The following MPPED2 variants were observed in gnomAD, a reference collection of about 807,000 sequenced individuals.
MPPED2 encodes metallophosphoesterase domain containing 2.
MPPED2 carries 5 observed loss-of-function variants against 33.0 expected under a neutral mutation model. The ratio of observed to expected loss-of-function variants is 0.15; its 90% confidence interval spans 0.08 to 0.32. The LOEUF is 0.32. Among genes scored for constraint, MPPED2 ranks in the 10% least tolerant of loss-of-function variants. MPPED2 has a pLI of 1.00. For synonymous variants in MPPED2, 136 were observed against 141.9 expected (o/e 0.96, Z 0.29); for missense variants, 275 against 372.1 (o/e 0.74, Z 2.15).
At chr11:30,433,658 T>C (rs1225897520) in intron 4 of MPPED2, among the ~76,000 whole-genome samples, 2 of 152,208 alleles carry the variant, frequency 1.3e-5, no homozygotes, top group Non-Finnish European at 2.9e-5. Flanking sequence ...GGTCCCTCGC[T>C]ATCATGTCTC....
At chr11:30,453,754 T>C (rs1950163883) in intron 4 of MPPED2, among the ~76,000 whole-genome samples, 1 of 152,224 alleles carries the variant, frequency 6.6e-6, no homozygotes, top group East Asian at 1.9e-4. Context: ...GTTTCCCCAC[T>C]TGGCTTGAAA....
At chr11:30,423,810 A>G (rs866830048) in intron 4 of MPPED2, among the ~76,000 whole-genome samples, 3 of 152,208 alleles carry the variant, frequency 2.0e-5, no homozygotes, top group Non-Finnish European at 4.4e-5. Flanking sequence ...GTACATATAT[A>G]CATACACAGA....
chr11:30,443,963 C>A (rs1457630028), intron 4 of MPPED2, among the ~76,000 whole-genome samples: 1 of 152,136 alleles, frequency 6.6e-6, no homozygotes, highest in African/African-American at 2.4e-5. Flanking sequence ...GATACAAGAC[C>A]TTCTGGAAAA....
intron 2 of MPPED2, among the ~76,000 whole-genome samples, chr11:30,565,343 G>T (rs142083885): frequency 3.3e-5 from 5 of 152,050 alleles, no homozygotes; most frequent in Non-Finnish European, 7.4e-5. Context: ...TTTAAATTGC[G>T]CATGTGGATT....
chr11:30,569,360 T>C (rs1283520373), intron 2 of MPPED2, among the ~76,000 whole-genome samples: 1 of 152,198 alleles, frequency 6.6e-6, no homozygotes, highest in Non-Finnish European at 1.5e-5. Context: ...AGCATTAGAC[T>C]TTTTGAATTG....
intron 3 of MPPED2, among the ~76,000 whole-genome samples, chr11:30,528,562 G>A (rs1954335035): frequency 6.6e-6 from 1 of 152,092 alleles, no homozygotes; most frequent in African/African-American, 2.4e-5. Context: ...TGGCCTCATT[G>A]TTTACATGTT....
intron 3 of MPPED2, among the ~76,000 whole-genome samples, chr11:30,499,788 T>G (rs1952471983): frequency 6.6e-6 from 1 of 152,218 alleles, no homozygotes; most frequent in Admixed American, 6.5e-5. Flanking sequence ...TTGCTGCTGG[T>G]GGGACCAATT....
At chr11:30,585,728 A>G (rs1308405310) in intron 1 of MPPED2, among the ~76,000 whole-genome samples, 1 of 152,040 alleles carries the variant, frequency 6.6e-6, no homozygotes, top group African/African-American at 2.4e-5. Flanking sequence ...TGGAGAAGAG[A>G]AGAGGCGCAG....
intron 3 of MPPED2, among the ~76,000 whole-genome samples, chr11:30,531,260 T>G (rs1441595512): frequency 1.3e-5 from 2 of 152,208 alleles, no homozygotes; most frequent in Non-Finnish European, 2.9e-5. Context: ...AAGCCACTTG[T>G]CCCTCTGACC....
chr11:30,567,494 CT>C (rs1956497773), intron 2 of MPPED2, among the ~76,000 whole-genome samples: 1 of 151,972 alleles, frequency 6.6e-6, no homozygotes, highest in Non-Finnish European at 1.5e-5. Flanking sequence ...TCAGGGGGTG[CT>C]TTTTTTCCAG....
intron 1 of MPPED2, among the ~76,000 whole-genome samples, chr11:30,585,646 A>C: frequency 6.6e-6 from 1 of 152,040 alleles, no homozygotes; most frequent in East Asian, 2.0e-4. Context: ...TCTCCTCCTA[A>C]GAAATCCTGG....
At chr11:30,487,641 C>T (rs1951799646) in intron 4 of MPPED2, among the ~76,000 whole-genome samples, 1 of 151,902 alleles carries the variant, frequency 6.6e-6, no homozygotes. Context: ...CCATGCCTGG[C>T]TAATTTTTTA....
chr11:30,554,710 G>C (rs1308087184), intron 2 of MPPED2, among the ~76,000 whole-genome samples: 2 of 152,116 alleles, frequency 1.3e-5, no homozygotes, highest in African/African-American at 2.4e-5. Flanking sequence ...GGCCGGGCTG[G>C]TCTTGAACTC....
chr11:30,495,010 T>A (rs1286740456), intron 4 of MPPED2: 1 of 351,036 alleles, frequency 2.8e-6, no homozygotes, highest in African/African-American at 2.1e-5. Context: ...TGGAATTTTA[T>A]CAGTGGGAGG....
At chr11:30,416,311 A>G (rs1948356471) in intron 5 of MPPED2, among the ~76,000 whole-genome samples, 3 of 152,252 alleles carry the variant, frequency 2.0e-5, no homozygotes, top group Non-Finnish European at 4.4e-5. Context: ...GGCCTCCGCC[A>G]TGGTGCTCAC....
chr11:30,413,148 T>C (rs999527489), intron 6 of MPPED2, among the ~76,000 whole-genome samples: 2 of 152,216 alleles, frequency 1.3e-5, no homozygotes, highest in African/African-American at 4.8e-5. Context: ...TTCTCTGGCC[T>C]CAGTAGGATG....
chr11:30,539,188 G>A (rs1475298423), intron 2 of MPPED2, among the ~76,000 whole-genome samples: 1 of 152,118 alleles, frequency 6.6e-6, no homozygotes, highest in African/African-American at 2.4e-5. Context: ...GTACATCTAA[G>A]GGAGACTCCA....
chr11:30,557,923 C>A (rs1429085606), intron 2 of MPPED2, among the ~76,000 whole-genome samples: 1 of 152,036 alleles, frequency 6.6e-6, no homozygotes, highest in Non-Finnish European at 1.5e-5. Context: ...ATTCCTTGGG[C>A]GTGTTGAACT....
intron 4 of MPPED2, among the ~76,000 whole-genome samples, chr11:30,477,817 C>T (rs371206864): frequency 3.3e-5 from 5 of 151,962 alleles, no homozygotes; most frequent in Non-Finnish European, 4.4e-5. Context: ...TTGATATCTA[C>T]GGTGGACGGT....
Sources: gnomAD v4.1 joint callset for allele counts (sites outside exome capture counted in the v4.1 genomes callset) on GRCh38, gnomAD v4.1.1 for gene constraint, MANE v1.5 for transcripts, NCBI Gene and HGNC (gene_info 2026-07-23, HGNC 2026-07-21) for gene names.